The following IGLON5 variants were observed in gnomAD, a reference collection of about 807,000 sequenced individuals.
IGLON5 encodes IgLON family member 5, also known as Ig-like domain-containing protein ENSP00000270642.
A neutral mutation model predicts 38.2 loss-of-function variants in IGLON5; 16 were observed. That is an observed-to-expected ratio of 0.42 (90% CI 0.28 to 0.64). IGLON5 has a LOEUF of 0.64. Among genes scored for constraint, IGLON5 ranks in the 30% least tolerant of loss-of-function variants. The pLI is 0.23. For missense variants in IGLON5, 366 were observed against 483.4 expected, an observed-to-expected ratio of 0.76 and a Z score of 2.28; for synonymous variants, 207 against 216.4, an observed-to-expected ratio of 0.96 and a Z score of 0.38.
chr19:51,325,019 C>A lies in IGLON5; in HGVS notation c.392-327C>A, dbSNP rs1332733196. On this transcript the variant is annotated intron_variant, in intron 3 of 7. Coordinates refer to ENST00000270642, the MANE Select transcript of IGLON5 (RefSeq NM_001101372.3). The surrounding 1 kb of genome is among the most constrained non-coding windows in gnomAD (Gnocchi z 5.5). Reference sequence around the variant, plus strand: ...GAATTCAGACCCCAAGATGGAGAAACCAAGTTAGGATGAAGGTGGAGAGAG... The same window carrying A: ...GAATTCAGACCCCAAGATGGAGAAAACAAGTTAGGATGAAGGTGGAGAGAG... 6.6e-6 allele frequency among the ~76,000 whole-genome samples: 1 copy of A among 151,594 alleles called. No individual in the cohort carries two copies. Among genetic ancestry groups the A allele is most frequent in the African/African-American group, 2.4e-5 (1 of 41,232 alleles).
intron 1 of IGLON5, among the ~76,000 whole-genome samples, chr19:51,314,674 AC>A (rs2123511164): frequency 6.6e-6 from 1 of 152,040 alleles, no homozygotes; most frequent in South Asian, 2.1e-4. Flanking sequence ...CCAGAAAGAC[AC>A]CCCCACCCAC....
At chr19:51,326,349 C>A (rs563637857) in intron 4 of IGLON5, among the ~76,000 whole-genome samples, 34 of 152,286 alleles carry the variant, frequency 2.2e-4, no homozygotes, top group African/African-American at 7.7e-4. Context: ...ATCCTGATTC[C>A]CTAGACCCCA....
chr19:51,315,974 G>T (rs897721101), intron 1 of IGLON5, among the ~76,000 whole-genome samples: 6 of 152,050 alleles, frequency 3.9e-5, no homozygotes, highest in African/African-American at 1.4e-4. Context: ...GATTACAGGC[G>T]TGAGCCACCA....
In IGLON5 at chr19:51,322,058, C is replaced by G; in HGVS notation, c.80-6C>G. On this transcript the variant is annotated splice_polypyrimidine_tract_variant and splice_region_variant and intron_variant, in intron 1 of 7. Transcript: ENST00000270642. ...GCCAAGGCTGAGCCACCCCCACCTT[C>G]CACAGGGCTGCTCTCCCAGAGCCTG... 6.2e-7 allele frequency: 1 copy of G among 1,612,910 alleles called. No individual in the cohort carries two copies. Among genetic ancestry groups the G allele is most frequent in the Non-Finnish European group, 8.5e-7 (1 of 1,179,744 alleles).
Position 51,329,669 on chromosome 19 carries a change from G to A in IGLON5, c.*910G>A, listed in dbSNP as rs918031525. 23 of 152,332 alleles carry A rather than the reference G, an allele frequency of 1.5e-4. No homozygotes were observed. The highest frequency in any genetic ancestry group is 7.2e-5 in the African/African-American group (3 of 41,408). The allele number at this position is 152,332 out of a possible 1,614,324, so 9.4% of individuals were successfully genotyped here. Reference sequence around the variant, plus strand: ...CCTTGGCCTTGATTTCCCCACCTGCGGCACCAGCCAGCTGCCCTTGGGGCC... The same window carrying A: ...CCTTGGCCTTGATTTCCCCACCTGCAGCACCAGCCAGCTGCCCTTGGGGCC... On this transcript the variant is annotated 3_prime_UTR_variant, in exon 8 of 8. Transcript: ENST00000270642. This position sits in a 1 kb window ranked among gnomAD's most constrained non-coding sequence, Gnocchi z 4.3.
At chr19:51,312,859 T>A (rs1599821035) in intron 1 of IGLON5, among the ~76,000 whole-genome samples, 1 of 151,036 alleles carries the variant, frequency 6.6e-6, no homozygotes, top group African/African-American at 2.4e-5. Flanking sequence ...AGGCAGGGGG[T>A]GGTCAAGGAG....
At chr19:51,312,693 T>A (rs539815062) in intron 1 of IGLON5, among the ~76,000 whole-genome samples, 2 of 150,800 alleles carry the variant, frequency 1.3e-5, no homozygotes, top group South Asian at 4.2e-4. Flanking sequence ...GCGATGGGCA[T>A]GGGAGGATGA....
Position 51,329,065 on chromosome 19 carries a change from T to C in IGLON5, c.*306T>C, listed in dbSNP as rs1985284970. The C allele has an allele frequency of 1.2e-5, 2 of 173,828 alleles. No individual in the cohort carries two copies. Among genetic ancestry groups the C allele is most frequent in the Admixed American group, 7.5e-5 (1 of 13,280 alleles). 10.8% of individuals were successfully genotyped at this position (173,828 alleles called of 1,614,324 possible). On this transcript the variant is annotated 3_prime_UTR_variant, in exon 8 of 8. Coordinates refer to ENST00000270642, the MANE Select transcript of IGLON5 (RefSeq NM_001101372.3). The surrounding 1 kb of genome is among the most constrained non-coding windows in gnomAD (Gnocchi z 4.3). ...AGCTCAGGCTGTCAACTGGCTTGTG[T>C]GGGTGTGGGTGTGTGAGTGTGAGCC...
intron 1 of IGLON5, among the ~76,000 whole-genome samples, chr19:51,317,205 C>T (rs987132544): frequency 6.6e-5 from 10 of 152,130 alleles, no homozygotes; most frequent in African/African-American, 2.4e-4. Context: ...GACTGTAAAT[C>T]CTACGAGGGC....
chr19:51,323,498 C>T (rs1985129174), intron 2 of IGLON5, among the ~76,000 whole-genome samples, 164 bp from the exon 3 acceptor site: 1 of 152,238 alleles, frequency 6.6e-6, no homozygotes, highest in African/African-American at 2.4e-5. Context: ...CTCCCTGAGG[C>T]TCAACTTACC....
intron 1 of IGLON5, among the ~76,000 whole-genome samples, chr19:51,314,146 C>T (rs1489924092): frequency 6.6e-6 from 1 of 151,138 alleles, no homozygotes; most frequent in Non-Finnish European, 1.5e-5. Flanking sequence ...TCTCCCTCCC[C>T]TTCTCTCTCT....
intron 1 of IGLON5, among the ~76,000 whole-genome samples, chr19:51,320,450 C>T (rs1222198494): frequency 6.6e-6 from 1 of 152,240 alleles, no homozygotes; most frequent in Non-Finnish European, 1.5e-5. Context: ...CTTCCTCCCT[C>T]TCCGCCTGGT....
At chr19:51,312,007 C>A in intron 1 of IGLON5, 81 bp downstream of exon 1, 2 of 747,710 alleles carry the variant, frequency 2.7e-6, no homozygotes, top group South Asian at 5.2e-5. Context: ...GGGTGGGGGT[C>A]GAGGGCTGCA....
At chr19:51,322,970 T>C in intron 2 of IGLON5, among the ~76,000 whole-genome samples, 1 of 149,242 alleles carries the variant, frequency 6.7e-6, no homozygotes, top group Non-Finnish European at 1.5e-5. Flanking sequence ...TCTGTCCCCC[T>C]CTCTCTGGGT....
Position 51,324,608 on chromosome 19 carries a change from G to A in IGLON5, c.391+714G>A, listed in dbSNP as rs1344813014. ...CCACCAGCCCAGGGACCTTGAGCAG[G>A]GAAGAGGCCCGGGACTCCTTTGCAA... On this transcript the variant is annotated intron_variant, in intron 3 of 7. Coordinates refer to ENST00000270642, the MANE Select transcript of IGLON5 (RefSeq NM_001101372.3). This position sits in a 1 kb window ranked among gnomAD's most constrained non-coding sequence, Gnocchi z 4.2. Among the ~76,000 whole-genome samples, 1 of 152,114 alleles carries A rather than the reference G, an allele frequency of 6.6e-6. No individual in the cohort carries two copies. Among genetic ancestry groups the A allele is most frequent in the Non-Finnish European group, 1.5e-5 (1 of 68,042 alleles).
At chr19:51,312,228 G>A (rs577006026) in intron 1 of IGLON5, among the ~76,000 whole-genome samples, 2 of 152,104 alleles carry the variant, frequency 1.3e-5, no homozygotes, top group East Asian at 3.9e-4. Context: ...CTGCCTGGGG[G>A]CAGGAGTCTG....
At chr19:51,316,344 C>CA (rs552905197) in intron 1 of IGLON5, among the ~76,000 whole-genome samples, 6,554 of 83,270 alleles carry the variant, frequency 0.079, 600 homozygotes, top group African/African-American at 0.25. Flanking sequence ...TACCCTGTCT[C>CA]AAAAAAAAAA....
At chr19:51,322,650 G>C (rs1179430002) in intron 2 of IGLON5, among the ~76,000 whole-genome samples, 1 of 139,146 alleles carries the variant, frequency 7.2e-6, no homozygotes, top group Non-Finnish European at 1.5e-5. Flanking sequence ...TCTTTCTCTG[G>C]GTCTCTGTCC....
intron 1 of IGLON5, among the ~76,000 whole-genome samples, chr19:51,320,306 G>A (rs2123521423): frequency 6.6e-6 from 1 of 152,348 alleles, no homozygotes; most frequent in South Asian, 2.1e-4. Flanking sequence ...TGCTGATGGA[G>A]AGGGCCCCCG....
Sources: allele counts gnomAD v4.1 joint callset (sites outside exome capture counted in the v4.1 genomes callset), GRCh38; gene constraint gnomAD v4.1.1; non-coding constraint Gnocchi (gnomAD v3.1); transcripts MANE v1.5; gene names NCBI Gene and HGNC (gene_info 2026-07-23, HGNC 2026-07-21).